The following TRPM3 variants were observed in gnomAD, a reference collection of about 807,000 sequenced individuals.
TRPM3 encodes the protein long transient receptor potential channel 3.
TRPM3 carries 77 observed loss-of-function variants against 181.2 expected under a neutral mutation model. That is an observed-to-expected ratio of 0.42 (90% CI 0.35 to 0.51). The LOEUF is 0.51. Ranked by LOEUF, TRPM3 falls within the 20% of genes least tolerant of loss-of-function variation. The pLI, the probability that TRPM3 is intolerant of heterozygous loss-of-function variation, is 0.01. For synonymous variants in TRPM3, 745 were observed against 796.4 expected, an observed-to-expected ratio of 0.94 and a Z score of 1.09; for missense variants, 1,759 against 2,196.7, an observed-to-expected ratio of 0.80 and a Z score of 3.98.
At chr9:70,634,598 G>T (rs2066537766) in intron 12 of TRPM3, among the ~76,000 whole-genome samples, 1 of 152,034 alleles carries the variant, frequency 6.6e-6, no homozygotes, top group Admixed American at 6.6e-5. Context: ...TGCCAATATA[G>T]CTCTCATCTC....
At chr9:70,660,087 A>G (rs2060907021) in intron 9 of TRPM3, among the ~76,000 whole-genome samples, 1 of 152,178 alleles carries the variant, frequency 6.6e-6, no homozygotes, top group Non-Finnish European at 1.5e-5. Context: ...AAACCATTAT[A>G]GCCATGACAG....
At chr9:70,937,417 A>G (rs2096839178) in intron 1 of TRPM3, among the ~76,000 whole-genome samples, 1 of 152,226 alleles carries the variant, frequency 6.6e-6, no homozygotes, top group Non-Finnish European at 1.5e-5. Flanking sequence ...GTAAGATGCT[A>G]CATTGGAAAG....
At chr9:70,755,203 A>G (rs2076844793) in intron 8 of TRPM3, among the ~76,000 whole-genome samples, 1 of 152,162 alleles carries the variant, frequency 6.6e-6, no homozygotes, top group East Asian at 1.9e-4. Flanking sequence ...GAGCAACCAC[A>G]AGACACATAA....
intron 1 of TRPM3, among the ~76,000 whole-genome samples, chr9:71,161,413 A>T (rs2076266343): frequency 6.6e-6 from 1 of 152,150 alleles, no homozygotes; most frequent in Non-Finnish European, 1.5e-5. Context: ...GGGTATGAGT[A>T]TGTGTATTTT....
chr9:70,686,601 C>CAT (rs2066854642), intron 8 of TRPM3, among the ~76,000 whole-genome samples: 1 of 93,030 alleles, frequency 1.1e-5, no homozygotes, highest in African/African-American at 4.4e-5. Flanking sequence ...TCCCTCCCTC[C>CAT]CTCCCTCCCG....
intron 1 of TRPM3, among the ~76,000 whole-genome samples, chr9:70,953,973 TG>T (rs1297076103): frequency 7.9e-5 from 12 of 152,170 alleles, no homozygotes; most frequent in African/African-American, 2.9e-4. Flanking sequence ...GAAACTTCAG[TG>T]GGTCTTCTCA....
intron 1 of TRPM3, among the ~76,000 whole-genome samples, chr9:71,370,645 G>T (rs1015043891): frequency 6.6e-6 from 1 of 152,134 alleles, no homozygotes; most frequent in African/African-American, 2.4e-5. Flanking sequence ...AGCCATCTCC[G>T]TAACATAAAA....
chr9:70,581,127 T>C (rs2075005004), intron 22 of TRPM3, among the ~76,000 whole-genome samples: 1 of 152,236 alleles, frequency 6.6e-6, no homozygotes, highest in Non-Finnish European at 1.5e-5. Context: ...ATAAAACATA[T>C]ATGTCCAGTG....
At chr9:70,861,548 T>G (rs938695034) in intron 3 of TRPM3, among the ~76,000 whole-genome samples, 1 of 152,180 alleles carries the variant, frequency 6.6e-6, no homozygotes, top group African/African-American at 2.4e-5. Context: ...ACATCCTCAT[T>G]TACAGCACTT....
rs185969674 is a variant in TRPM3 at position 71,017,936 on chromosome 9, A to C, written c.177+103242T>G. On this transcript the variant is annotated intron_variant, in intron 1 of 25. Coordinates refer to ENST00000677713, the MANE Select transcript of TRPM3 (RefSeq NM_001366145.2). The stretch of plus-strand genomic sequence containing the variant: ...AAATATTTCATATTCTGGGCCATGA[A>C]ACAAACCTAAATAAAATTTTCAACA... Among the ~76,000 whole-genome samples the C allele has an allele frequency of 1.0e-3, 157 of 151,992 alleles. 1 individual carries two copies. Among genetic ancestry groups the C allele is most frequent in the Non-Finnish European group, 2.2e-4 (15 of 67,780 alleles).
intron 8 of TRPM3, among the ~76,000 whole-genome samples, chr9:70,750,832 G>A (rs2076008330): frequency 6.6e-6 from 1 of 152,154 alleles, no homozygotes; most frequent in South Asian, 2.1e-4. Context: ...TTGAAGTAAT[G>A]ACGAGACAAC....
intron 1 of TRPM3, among the ~76,000 whole-genome samples, chr9:70,901,347 C>G (rs1342435919): frequency 6.6e-6 from 1 of 152,106 alleles, no homozygotes; most frequent in Non-Finnish European, 1.5e-5. Flanking sequence ...GAGGAAGCTC[C>G]AAACACTGTC....
chr9:70,983,717 C>A (rs2097389855), intron 1 of TRPM3, among the ~76,000 whole-genome samples: 2 of 152,026 alleles, frequency 1.3e-5, no homozygotes, highest in African/African-American at 4.8e-5. Context: ...AAGTGGACAC[C>A]CTGTGTTATT....
At chr9:71,213,290 AT>A (rs200404408) in intron 1 of TRPM3, among the ~76,000 whole-genome samples, 21 of 151,658 alleles carry the variant, frequency 1.4e-4, no homozygotes, top group Admixed American at 4.6e-4. Context: ...TCTCCTTTTG[AT>A]TTTTTTTCAA....
intron 1 of TRPM3, among the ~76,000 whole-genome samples, chr9:71,338,245 C>T (rs985932939): frequency 4.6e-5 from 7 of 152,106 alleles, no homozygotes; most frequent in Non-Finnish European, 1.0e-4. Context: ...AGAGTAAGCG[C>T]AAGCCTGATT....
At chr9:70,777,782 AC>A (rs1440407188) in intron 7 of TRPM3, among the ~76,000 whole-genome samples, 90 of 152,248 alleles carry the variant, frequency 5.9e-4, no homozygotes, top group African/African-American at 1.9e-3. Context: ...CACCCATAGT[AC>A]CTAAAACAAG....
chr9:70,814,433 T>C (rs2092476292), intron 6 of TRPM3, among the ~76,000 whole-genome samples: 1 of 152,180 alleles, frequency 6.6e-6, no homozygotes, highest in African/African-American at 2.4e-5. Context: ...ATCTCCAATA[T>C]AATAGTATAT....
At chr9:71,039,015 T>TA (rs898708207) in intron 1 of TRPM3, among the ~76,000 whole-genome samples, 6 of 151,940 alleles carry the variant, frequency 3.9e-5, no homozygotes, top group Non-Finnish European at 7.4e-5. Flanking sequence ...AAAGTAAACT[T>TA]AAAAAAACAA....
chr9:70,951,543 T>C (rs1006469719), intron 1 of TRPM3, among the ~76,000 whole-genome samples: 1 of 152,160 alleles, frequency 6.6e-6, no homozygotes, highest in African/African-American at 2.4e-5. Flanking sequence ...GGTTTCATCA[T>C]GTTAGCCAGA....
Sources: allele counts gnomAD v4.1 joint callset (sites outside exome capture counted in the v4.1 genomes callset), GRCh38; gene constraint gnomAD v4.1.1; transcripts MANE v1.5; gene names NCBI Gene and HGNC (gene_info 2026-07-23, HGNC 2026-07-21).